Variants in CFAP61 observed in about 807,000 individuals in gnomAD.
The protein encoded by CFAP61 is cilia and flagella associated protein 61.
In CFAP61, 107 loss-of-function variants were observed where a neutral mutation model predicts 135.6. The observed-to-expected ratio is 0.79, with a 90% CI of 0.67 to 0.93. The LOEUF (loss-of-function observed/expected upper bound fraction) is 0.93, where lower values mean the gene tolerates loss of function less well. Ranked by LOEUF, CFAP61 falls within the 40% of genes least tolerant of loss-of-function variation. The pLI, the probability that CFAP61 is intolerant of heterozygous loss-of-function variation, is 0.00. For synonymous variants in CFAP61, 575 were observed against 578.5 expected (o/e 0.99, Z 0.09); for missense variants, 1,507 against 1,556.2 (o/e 0.97, Z 0.53).
intron 9 of CFAP61, among the ~76,000 whole-genome samples, chr20:20,156,029 C>G (rs757571762): frequency 6.6e-6 from 1 of 152,074 alleles, no homozygotes; most frequent in Non-Finnish European, 1.5e-5. Flanking sequence ...TAAATGCCAT[C>G]AACATAGAGT....
chr20:20,328,600 C>T (rs541699028), intron 25 of CFAP61, among the ~76,000 whole-genome samples: 1 of 152,194 alleles, frequency 6.6e-6, no homozygotes, highest in South Asian at 2.1e-4. Flanking sequence ...AAAAGGCAAC[C>T]TATGAAATGA....
chr20:20,291,094 C>T (rs2054969007), intron 24 of CFAP61, among the ~76,000 whole-genome samples: 1 of 152,098 alleles, frequency 6.6e-6, no homozygotes, highest in South Asian at 2.1e-4. Flanking sequence ...AGACATATAG[C>T]CTCCCCCACT....
rs10610282 is a variant in CFAP61 at position 20,183,158 on chromosome 20, C to CT, written c.1386-4757dup. ...TTCTGATTTTTTTTTCTTTTCTTTT[C>CT]TTTTTTTTTTTTTTTAGATAGAGTC... is the stretch of plus-strand genomic sequence containing the variant. On this transcript the variant is annotated intron_variant, in intron 13 of 26. Transcript: ENST00000245957. 9.4e-4 allele frequency among the ~76,000 whole-genome samples: 141 copies of CT among 149,582 alleles called. 5 individuals are homozygous for CT. In the East Asian group the frequency reaches 0.024, roughly 26 times the overall value.
chr20:20,128,807 A>C (rs1301143377), intron 8 of CFAP61, among the ~76,000 whole-genome samples: 2 of 151,598 alleles, frequency 1.3e-5, no homozygotes, highest in East Asian at 3.9e-4. Flanking sequence ...GCCTATGAAA[A>C]ACACCTTACA....
At chr20:20,337,292 AGATGGATGGATGGATG>A (rs1190187686) in intron 25 of CFAP61, among the ~76,000 whole-genome samples, 1 of 6,788 alleles carries the variant, frequency 1.5e-4, no homozygotes, top group African/African-American at 2.3e-4. Context: ...ATGGATGGAT[AGATGGATGGATGGATG>A]GATGGATGGA....
At chr20:20,309,126 A>G (rs2056660091) in intron 25 of CFAP61, among the ~76,000 whole-genome samples, 1 of 152,218 alleles carries the variant, frequency 6.6e-6, no homozygotes, top group Non-Finnish European at 1.5e-5. Flanking sequence ...CCACCTGGGC[A>G]GTAGGGATTC....
chr20:20,137,367 A>G (rs2051014259), intron 8 of CFAP61, among the ~76,000 whole-genome samples: 1 of 152,214 alleles, frequency 6.6e-6, no homozygotes, highest in Non-Finnish European at 1.5e-5. Context: ...AGAGGTCCAG[A>G]GATGCTGTCT....
At chr20:20,304,574 C>T (rs942558229) in intron 25 of CFAP61, among the ~76,000 whole-genome samples, 2 of 151,604 alleles carry the variant, frequency 1.3e-5, no homozygotes, top group African/African-American at 2.4e-5. Context: ...CTCACTCACA[C>T]GCCCAGTCAC....
At chr20:20,106,380 A>G (rs773536202) in intron 8 of CFAP61, among the ~76,000 whole-genome samples, 1 of 152,314 alleles carries the variant, frequency 6.6e-6, no homozygotes, top group East Asian at 1.9e-4. Flanking sequence ...AAACAACCAT[A>G]GCATCAAAGG....
chr20:20,202,302 A>G (rs2056661554), intron 17 of CFAP61, among the ~76,000 whole-genome samples: 1 of 152,146 alleles, frequency 6.6e-6, no homozygotes, highest in Non-Finnish European at 1.5e-5. Context: ...TGCTCGTGCT[A>G]TTGTGCTTAT....
chr20:20,341,129 G>A (rs536715793), intron 25 of CFAP61, among the ~76,000 whole-genome samples: 60 of 152,252 alleles, frequency 3.9e-4, no homozygotes, highest in African/African-American at 1.2e-3. Context: ...CCCGAGCGAC[G>A]TGGCTTTGAC....
chr20:20,199,722 C>G, intron 16 of CFAP61, 46 bp from the exon 17 acceptor site: 1 of 1,609,924 alleles, frequency 6.2e-7, no homozygotes, highest in Non-Finnish European at 8.5e-7. Flanking sequence ...CTGTGCTGAG[C>G]CTCTCTGACA....
chr20:20,328,599 C>T (rs1427195507), intron 25 of CFAP61, among the ~76,000 whole-genome samples: 1 of 152,016 alleles, frequency 6.6e-6, no homozygotes, highest in Non-Finnish European at 1.5e-5. Flanking sequence ...AAAAAGGCAA[C>T]CTATGAAATG....
Position 20,277,309 on chromosome 20 carries a change from G to GAGAGC in CFAP61, c.2648_2652dup (p.Ala885ArgfsTer8). The GAGAGC allele has an allele frequency of 6.2e-7, 1 of 1,614,148 alleles. No individual in the cohort carries two copies. The highest frequency in any genetic ancestry group is 2.2e-5 in the East Asian group (1 of 44,884). The stretch of plus-strand genomic sequence containing the variant: ...CACCTGCATCAACAACTACTCGGTG[G>GAGAGC]AGAGCGCCGTGGCGGACGCGCTAGG... On this transcript the variant is annotated frameshift_variant, in exon 22 of 27. Transcript: ENST00000245957. LOFTEE classifies it high-confidence loss of function.
intron 18 of CFAP61, among the ~76,000 whole-genome samples, chr20:20,236,201 A>G (rs1324141787): frequency 3.3e-5 from 5 of 152,110 alleles, no homozygotes; most frequent in African/African-American, 9.7e-5. Flanking sequence ...TTGGATAGGG[A>G]TGGGGAGGGT....
chr20:20,131,556 A>C (rs905906677), intron 8 of CFAP61, among the ~76,000 whole-genome samples: 1 of 151,974 alleles, frequency 6.6e-6, no homozygotes, highest in Non-Finnish European at 1.5e-5. Context: ...TGGTTTATCA[A>C]TTTTATTAGT....
At chr20:20,077,249 G>A (rs1207264994) in intron 6 of CFAP61, among the ~76,000 whole-genome samples, 1 of 152,322 alleles carries the variant, frequency 6.6e-6, no homozygotes, top group South Asian at 2.1e-4. Flanking sequence ...TCAGTGGAAT[G>A]AACCATTTAC....
At position 20,169,424 on chromosome 20, in the gene CFAP61, A is replaced by G; in HGVS notation, c.1349A>G (p.Gln450Arg). ...MVPFNTCTLE[Q>R]DLYVFHRAGL... Reference sequence around the variant, plus strand: ...CCTTTCAACACCTGCACCCTCGAGCAGGACCTCTACGTCTTCCACCGGGCT... The same window carrying G: ...CCTTTCAACACCTGCACCCTCGAGCGGGACCTCTACGTCTTCCACCGGGCT... The change falls in exon 13 of 27, where the codon CAG (glutamine) becomes CGG (arginine). Residue 450 changes from glutamine to arginine, a missense_variant. Physicochemically the swap from Gln to Arg is conservative, Grantham distance 43. Transcript: ENST00000245957. 6.2e-7 allele frequency: 1 copy of G among 1,613,990 alleles called. No individual in the cohort carries two copies. Among genetic ancestry groups the G allele is most frequent in the Non-Finnish European group, 8.5e-7 (1 of 1,179,930 alleles).
chr20:20,266,179 C>T (rs1401997386), intron 21 of CFAP61, among the ~76,000 whole-genome samples: 1 of 152,226 alleles, frequency 6.6e-6, no homozygotes, highest in African/African-American at 2.4e-5. Context: ...AATACAAATT[C>T]ATGCCAAATC....
Sources: allele counts gnomAD v4.1 joint callset (sites outside exome capture counted in the v4.1 genomes callset), GRCh38; gene constraint gnomAD v4.1.1; transcripts MANE v1.5; gene names NCBI Gene and HGNC (gene_info 2026-07-23, HGNC 2026-07-21).